TECR: variants seen among roughly 807,000 people sequenced by gnomAD.
TECR encodes the protein trans-2,3-enoyl-CoA reductase.
TECR carries 19 observed loss-of-function variants against 50.6 expected under a neutral mutation model. The ratio of observed to expected loss-of-function variants is 0.38; its 90% CI spans 0.26 to 0.55. TECR has a LOEUF of 0.55. Among genes scored for constraint, TECR ranks in the 20% least tolerant of loss-of-function variants. The pLI is 0.79. For synonymous variants in TECR, 168 were observed against 163.5 expected (o/e 1.03, Z -0.21); for missense variants, 313 against 408.3 (o/e 0.77, Z 2.01).
At chr19:14,554,770 T>C (rs1033271515) in intron 1 of TECR, among the ~76,000 whole-genome samples, 8 of 151,732 alleles carry the variant, frequency 5.3e-5, no homozygotes, top group African/African-American at 1.9e-4. Flanking sequence ...ATTTCACTGC[T>C]TGTCTCTGCC....
intron 1 of TECR, among the ~76,000 whole-genome samples, chr19:14,550,502 G>C (rs1342740538): frequency 1.3e-5 from 2 of 152,056 alleles, no homozygotes; most frequent in Admixed American, 1.3e-4. Flanking sequence ...GTCCGACAGC[G>C]CCTTCCTGCC....
chr19:14,562,351 G>T, intron 1 of TECR, 174 bp from the exon 2 acceptor site: 1 of 708,302 alleles, frequency 1.4e-6, no homozygotes, highest in Non-Finnish European at 2.6e-6. Context: ...TGGGGCTGCT[G>T]GCCACCGTGG....
intron 1 of TECR, among the ~76,000 whole-genome samples, chr19:14,561,114 C>T (rs1236528655): frequency 6.6e-6 from 1 of 152,264 alleles, no homozygotes; most frequent in Non-Finnish European, 1.5e-5. Context: ...CCCAGCTTCT[C>T]TGGCTTGACC....
intron 1 of TECR, among the ~76,000 whole-genome samples, chr19:14,561,132 C>T (rs2073888937): frequency 6.6e-6 from 1 of 152,144 alleles, no homozygotes; most frequent in Admixed American, 6.5e-5. Flanking sequence ...ACCGTGGTGC[C>T]CTCATCTTCA....
chr19:14,542,448 G>A lies in TECR; in HGVS notation c.15+12737G>A, dbSNP rs960581637. 6.0e-5 allele frequency among the ~76,000 whole-genome samples: 8 copies of A among 133,806 alleles called. No individual in the cohort carries two copies. The East Asian group carries it at 1.0e-3, about 17-fold the overall frequency. The allele number at this position is 133,806 out of a possible 152,430, so 87.8% of individuals were successfully genotyped here. A position where few individuals can be genotyped will look rare whatever the true frequency, so the allele number is the denominator to read the frequency against. ...GCAATCTCGGCTCACTGCAACCTCC[G>A]CCTCCCGGGTTCAATCAATTCTCCT... On this transcript the variant is annotated intron_variant, in intron 1 of 12. Coordinates refer to ENST00000215567, the MANE Select transcript of TECR (RefSeq NM_138501.6).
Position 14,558,330 on chromosome 19 carries a change from C to T in TECR, c.16-4195C>T, listed in dbSNP as rs78186906. Among the ~76,000 whole-genome samples the T allele has an allele frequency of 2.8e-3, 425 of 152,310 alleles. 4 individuals carry two copies. The highest frequency in any genetic ancestry group is 9.8e-3 in the African/African-American group (408 of 41,564). ...GCCCCCATTAGTAATATCTTCATGA[C>T]CACAAAGACAGTGAAGACGGGCTCT... On this transcript the variant is annotated intron_variant, in intron 1 of 12. Coordinates refer to ENST00000215567, the MANE Select transcript of TECR (RefSeq NM_138501.6).
At chr19:14,564,577 T>C in intron 7 of TECR, 1 of 151,930 alleles carries the variant, frequency 6.6e-6, no homozygotes, top group Non-Finnish European at 1.2e-5. Context: ...CCCGCCCCAG[T>C]TTCACCCCTA....
At chr19:14,542,731 C>T (rs1201467264) in intron 1 of TECR, among the ~76,000 whole-genome samples, 2 of 152,060 alleles carry the variant, frequency 1.3e-5, no homozygotes, top group Admixed American at 6.6e-5. Flanking sequence ...CCGTGGATTG[C>T]GTGTGGGGCT....
intron 1 of TECR, chr19:14,532,174 C>T (rs775637913): frequency 6.6e-6 from 1 of 152,126 alleles, no homozygotes; most frequent in African/African-American, 2.4e-5. Context: ...TTCCAGGAAG[C>T]TGGGCACAGC....
intron 1 of TECR, among the ~76,000 whole-genome samples, chr19:14,547,395 C>G (rs899850811): frequency 6.6e-6 from 1 of 152,042 alleles, no homozygotes; most frequent in African/African-American, 2.4e-5. Flanking sequence ...GAGTCTCAGT[C>G]TGTTGCCCAG....
At chr19:14,556,896 C>T (rs921884036) in intron 1 of TECR, among the ~76,000 whole-genome samples, 6 of 152,106 alleles carry the variant, frequency 3.9e-5, no homozygotes, top group Non-Finnish European at 7.4e-5. Flanking sequence ...CGGGTCAGCT[C>T]GGCCTCTGCA....
At chr19:14,551,122 A>G (rs963807225) in intron 1 of TECR, among the ~76,000 whole-genome samples, 1 of 151,466 alleles carries the variant, frequency 6.6e-6, no homozygotes, top group African/African-American at 2.4e-5. Context: ...CCCAGGCTGG[A>G]GTGCAGTGGT....
chr19:14,545,386 C>T (rs1032798652), intron 1 of TECR, among the ~76,000 whole-genome samples: 3 of 147,460 alleles, frequency 2.0e-5, no homozygotes, highest in African/African-American at 7.3e-5. Flanking sequence ...CCGGGCACAC[C>T]CACTGTGGCC....
At chr19:14,558,639 C>T (rs2073815285) in intron 1 of TECR, among the ~76,000 whole-genome samples, 1 of 152,198 alleles carries the variant, frequency 6.6e-6, no homozygotes, top group Non-Finnish European at 1.5e-5. Context: ...TGCCCTCTCC[C>T]TGCCCGTCGT....
chr19:14,546,444 A>C (rs1277895991), intron 1 of TECR, among the ~76,000 whole-genome samples: 1 of 152,146 alleles, frequency 6.6e-6, no homozygotes, highest in Non-Finnish European at 1.5e-5. Flanking sequence ...AAAATTAACC[A>C]GGTGCAGTGG....
At chr19:14,564,743 C>T in intron 7 of TECR, 43 bp from the exon 8 acceptor site, 1 of 1,577,182 alleles carries the variant, frequency 6.3e-7, no homozygotes, top group Non-Finnish European at 8.7e-7. Flanking sequence ...TCTGCCTTGT[C>T]CGGTGCTGGC....
intron 1 of TECR, chr19:14,545,235 C>A (rs949831597): frequency 4.4e-6 from 2 of 456,400 alleles, no homozygotes; most frequent in African/African-American, 4.0e-5. Context: ...TTAGCTGCTC[C>A]CCCTAAAATT....
intron 1 of TECR, among the ~76,000 whole-genome samples, chr19:14,542,508 T>C (rs1307718697): frequency 7.9e-5 from 12 of 151,530 alleles, no homozygotes; most frequent in African/African-American, 2.9e-4. Flanking sequence ...ATTACAGGCA[T>C]CCACCACCAC....
At position 14,549,166 on chromosome 19, in the gene TECR, G is replaced by A. The variant is rs182947562; in HGVS notation, c.16-13359G>A. On this transcript the variant is annotated intron_variant, in intron 1 of 12. Transcript: ENST00000215567. ...GTAGTTTGCTGACCCATTTGTCTAA[G>A]CCATCATTACCTTCACAGAATTATT... Among the ~76,000 whole-genome samples the A allele has an allele frequency of 1.9e-3, 280 of 150,054 alleles. 1 individual carries two copies. Among genetic ancestry groups the A allele is most frequent in the Non-Finnish European group, 2.5e-3 (168 of 67,784 alleles).
Sources: gnomAD v4.1 joint callset for allele counts (sites outside exome capture counted in the v4.1 genomes callset) on GRCh38, gnomAD v4.1.1 for gene constraint, MANE v1.5 for transcripts, NCBI Gene and HGNC (gene_info 2026-07-23, HGNC 2026-07-21) for gene names.